DAAM1: variants seen among roughly 807,000 people sequenced by gnomAD.
The protein encoded by DAAM1 is dishevelled associated activator of morphogenesis 1.
Under a neutral mutation model 130.0 loss-of-function variants are expected in DAAM1, and 52 were observed. That is an observed-to-expected ratio of 0.40 (90% CI 0.32 to 0.50). The LOEUF (loss-of-function observed/expected upper bound fraction) is 0.50. Ranked by LOEUF, DAAM1 falls within the 20% of genes least tolerant of loss-of-function variation. DAAM1 has a pLI of 0.61. For missense variants in DAAM1, 1,134 were observed against 1,303.8 expected, an observed-to-expected ratio of 0.87 and a Z score of 2.01; for synonymous variants, 452 against 444.5, an observed-to-expected ratio of 1.02 and a Z score of -0.21.
intron 20 of DAAM1, among the ~76,000 whole-genome samples, chr14:59,355,586 TAA>T (rs1886448033): frequency 6.6e-6 from 1 of 152,254 alleles, no homozygotes; most frequent in Non-Finnish European, 1.5e-5. Flanking sequence ...TCATCTGTTC[TAA>T]GTTTTGCTGT....
intron 17 of DAAM1, 35 bp downstream of exon 17, chr14:59,347,658 A>G: frequency 6.3e-7 from 1 of 1,597,432 alleles, no homozygotes; most frequent in Non-Finnish European, 8.6e-7. Context: ...GCAGAAGTGA[A>G]AAGCGACCAT....
intron 19 of DAAM1, 49 bp downstream of exon 19, chr14:59,354,013 A>G (rs368525361): frequency 3.7e-5 from 58 of 1,570,360 alleles, no homozygotes; most frequent in Non-Finnish European, 2.4e-5. Flanking sequence ...ATTACAACCC[A>G]TTTAAAAGTG....
intron 16 of DAAM1, among the ~76,000 whole-genome samples, chr14:59,344,599 A>G (rs144516675): frequency 2.4e-3 from 370 of 152,232 alleles, no homozygotes; most frequent in African/African-American, 7.9e-3. Flanking sequence ...CTTTGATCCA[A>G]CAGGACGCGT....
At chr14:59,295,572 C>T (rs1033549258) in intron 3 of DAAM1, among the ~76,000 whole-genome samples, 32 of 152,334 alleles carry the variant, frequency 2.1e-4, no homozygotes, top group African/African-American at 7.2e-4. Context: ...GCAGTTCTTT[C>T]AGTTCCTGGA....
rs1887143657 is a variant in DAAM1 at position 59,370,920 on chromosome 14, TAGAC to T, written c.*2064_*2067del. ...TGGCTTTGTCTTACAGTTTAAGGAA[TAGAC>T]AGGTGGAGGGAAAGTCACATAAAGG... On this transcript the variant is annotated 3_prime_UTR_variant, in exon 25 of 25. Transcript: ENST00000360909. 6.6e-6 allele frequency: 1 copy of T among 152,146 alleles called. No homozygotes were observed. The highest frequency in any genetic ancestry group is 2.1e-4 in the South Asian group (1 of 4,830). The allele number at this position is 152,146 out of a possible 1,614,324, so 9.4% of individuals were successfully genotyped here. A position where few individuals can be genotyped will look rare whatever the true frequency, so the allele number is the denominator to read the frequency against.
chr14:59,302,306 A>G (rs531615500), intron 3 of DAAM1, among the ~76,000 whole-genome samples: 2 of 152,342 alleles, frequency 1.3e-5, no homozygotes, highest in African/African-American at 4.8e-5. Flanking sequence ...GTTCACTTGT[A>G]ATCCAACAAT....
intron 3 of DAAM1, among the ~76,000 whole-genome samples, chr14:59,298,431 G>A (rs550608868): frequency 4.6e-5 from 7 of 152,142 alleles, no homozygotes; most frequent in East Asian, 3.9e-4. Flanking sequence ...TTTAAGCACC[G>A]TTTACCTGTT....
At chr14:59,193,642 A>G (rs541487394) in intron 1 of DAAM1, among the ~76,000 whole-genome samples, 2 of 152,276 alleles carry the variant, frequency 1.3e-5, no homozygotes, top group Non-Finnish European at 2.9e-5. Context: ...ATCACTCCCA[A>G]TTAATCTGGG....
At chr14:59,226,742 T>G (rs938736337) in intron 1 of DAAM1, among the ~76,000 whole-genome samples, 70 of 152,294 alleles carry the variant, frequency 4.6e-4, no homozygotes, top group African/African-American at 1.6e-3. Context: ...AGTAGAAGTT[T>G]AGAAAGATGG....
At chr14:59,316,351 T>C (rs184142674) in intron 4 of DAAM1, among the ~76,000 whole-genome samples, 1 of 152,234 alleles carries the variant, frequency 6.6e-6, no homozygotes, top group African/African-American at 2.4e-5. Context: ...AAAAACTGAT[T>C]AGAATATGTG....
At chr14:59,348,379 A>G (rs61984499) in intron 17 of DAAM1, among the ~76,000 whole-genome samples, 17,579 of 152,172 alleles carry the variant, frequency 0.12, 1,235 homozygotes, top group African/African-American at 0.21. Context: ...CCAAATAACA[A>G]TGTTGTTGAT....
chr14:59,251,368 C>G (rs1881633795), intron 1 of DAAM1, among the ~76,000 whole-genome samples: 1 of 151,626 alleles, frequency 6.6e-6, no homozygotes, highest in East Asian at 1.9e-4. Flanking sequence ...ACTTTCCCAT[C>G]CACAGGTTAG....
At chr14:59,331,705 T>C in intron 14 of DAAM1, 108 bp from the exon 15 acceptor site, 3 of 1,495,424 alleles carry the variant, frequency 2.0e-6, no homozygotes, top group African/African-American at 2.8e-5. Context: ...TCACTTTGAG[T>C]GTCTGGTAGA....
intron 15 of DAAM1, among the ~76,000 whole-genome samples, chr14:59,334,959 A>G (rs1456325348): frequency 6.6e-6 from 1 of 152,190 alleles, no homozygotes; most frequent in African/African-American, 2.4e-5. Flanking sequence ...TGATATGCAC[A>G]GTTCCCAATC....
intron 4 of DAAM1, 95 bp from the exon 5 acceptor site, chr14:59,320,395 A>G: frequency 1.1e-6 from 1 of 936,308 alleles, no homozygotes; most frequent in Non-Finnish European, 1.6e-6. Context: ...GTTTATATTT[A>G]AAGTGATAGT....
intron 1 of DAAM1, among the ~76,000 whole-genome samples, chr14:59,245,971 G>A (rs1027226901): frequency 5.3e-5 from 8 of 152,116 alleles, no homozygotes; most frequent in African/African-American, 1.7e-4. Context: ...AAAATGAGAC[G>A]CTGAAGAACT....
chr14:59,326,816 T>G, intron 11 of DAAM1, 117 bp from the exon 12 acceptor site: 1 of 1,516,888 alleles, frequency 6.6e-7, no homozygotes, highest in Admixed American at 1.9e-5. Flanking sequence ...TAAATGGGTT[T>G]CAAGCATGCA....
chr14:59,272,093 A>G (rs920837457), intron 2 of DAAM1, among the ~76,000 whole-genome samples: 2 of 147,662 alleles, frequency 1.4e-5, no homozygotes, highest in South Asian at 2.2e-4. Context: ...CATGTCTACA[A>G]TAGTGTCAAA....
At chr14:59,215,282 G>T (rs1888542059) in intron 1 of DAAM1, among the ~76,000 whole-genome samples, 1 of 152,186 alleles carries the variant, frequency 6.6e-6, no homozygotes, top group South Asian at 2.1e-4. Context: ...AGACATGGAA[G>T]GTTCAAACAA....
Sources: allele counts gnomAD v4.1 joint callset (sites outside exome capture counted in the v4.1 genomes callset), GRCh38; gene constraint gnomAD v4.1.1; transcripts MANE v1.5; gene names NCBI Gene and HGNC (gene_info 2026-07-23, HGNC 2026-07-21).